HOMER3: variants seen among roughly 807,000 people sequenced by gnomAD.
HOMER3 encodes homer protein homolog 3.
Under a neutral mutation model 45.5 loss-of-function variants are expected in HOMER3, and 34 were observed. The observed-to-expected ratio is 0.75, with a 90% CI of 0.57 to 1.00. The LOEUF (loss-of-function observed/expected upper bound fraction) is 1.00, where lower values mean the gene tolerates loss of function less well. Ranked by LOEUF, HOMER3 falls within the 50% of genes least tolerant of loss-of-function variation. The probability of loss-of-function intolerance (pLI) is 0.00; values close to 1 mark genes in which losing one functional copy is unlikely to be tolerated. For missense variants in HOMER3, 480 were observed against 497.5 expected, an observed-to-expected ratio of 0.96 and a Z score of 0.33; for synonymous variants, 223 against 208.8, an observed-to-expected ratio of 1.07 and a Z score of -0.58.
chr19:18,939,176 C>CGA, intron 1 of HOMER3, 127 bp from the exon 2 acceptor site: 1 of 570,762 alleles, frequency 1.8e-6, no homozygotes, highest in Non-Finnish European at 3.0e-6. Flanking sequence ...GCAGGAGAGG[C>CGA]CCAAAGTACA....
chr19:18,931,379 C>T lies in HOMER3; in HGVS notation c.840G>A (p.Gly280=), dbSNP rs771191479. The T allele has an allele frequency of 1.2e-6, 2 of 1,613,966 alleles. No homozygotes were observed. The highest frequency in any genetic ancestry group is 2.2e-5 in the East Asian group (1 of 44,882). ...CGGCAGCCTCCAGGGCCTCGCGGGGCCCCCCAGTCTGACTCTTCAGGGTCT... is the reference window on the plus strand; with the variant it reads ...CGGCAGCCTCCAGGGCCTCGCGGGGTCCCCCAGTCTGACTCTTCAGGGTCT... ...EIQTLKSQTG[G]PREALEAAER... Residue 280 remains glycine, a synonymous_variant, in exon 9 of 10, where the codon GGG becomes GGA. Coordinates refer to ENST00000392351, the MANE Select transcript of HOMER3 (RefSeq NM_004838.4).
intron 8 of HOMER3, 47 bp from the exon 9 acceptor site, chr19:18,931,458 C>T (rs2057031347): frequency 5.0e-6 from 8 of 1,612,484 alleles, no homozygotes; most frequent in Non-Finnish European, 5.9e-6. Flanking sequence ...TCCTGGCTTT[C>T]CCACAGGAGG....
chr19:18,929,658 T>C, intron 9 of HOMER3, 24 bp from the exon 10 acceptor site: 2 of 1,475,798 alleles, frequency 1.4e-6, no homozygotes, highest in Non-Finnish European at 1.8e-6. Flanking sequence ...GTGGGCAGGG[T>C]TGGGGGCCCC....
In HOMER3 at chr19:18,931,377, G is replaced by A; in HGVS notation, c.842C>T (p.Pro281Leu). The change falls in exon 9 of 10, where the codon CCC becomes CTC. Residue 281 changes from proline to leucine, a missense_variant. Coordinates refer to ENST00000392351, the MANE Select transcript of HOMER3 (RefSeq NM_004838.4). ...CTCGGCAGCCTCCAGGGCCTCGCGG[G>A]GCCCCCCAGTCTGACTCTTCAGGGT... is the stretch of plus-strand genomic sequence containing the variant. ...IQTLKSQTGG[P>L]REALEAAERE... is the part of the protein sequence containing the mutation. 6.2e-7 allele frequency: 1 copy of A among 1,614,140 alleles called. No individual in the cohort carries two copies. The highest frequency in any genetic ancestry group is 8.5e-7 in the Non-Finnish European group (1 of 1,180,024).
rs777009637 is a variant in HOMER3, at chr19:18,938,910, G to C, written c.15-26C>G. ...CTGCGTGGGGAGAGGGTGTTTGGTG[G>C]GGGCCAGGCACCCCCACTTAGAAAG... On this transcript the variant is annotated intron_variant, in intron 2 of 9. Coordinates refer to ENST00000392351, the MANE Select transcript of HOMER3 (RefSeq NM_004838.4). 5.0e-6 allele frequency: 8 copies of C among 1,606,212 alleles called. No individual in the cohort carries two copies. In the South Asian group the frequency reaches 8.9e-5, roughly 18 times the overall value.
Position 18,938,768 on chromosome 19 carries a change from G to T in HOMER3, c.131C>A (p.Thr44Asn). Residue 44 changes from threonine (T) to asparagine (N), a missense_variant, in exon 3 of 10, where the codon ACC (threonine) becomes AAC (asparagine). Thr to Asn is a moderately conservative substitution (Grantham distance 65). Coordinates refer to ENST00000392351, the MANE Select transcript of HOMER3 (RefSeq NM_004838.4). ...GCTGATGATGCGGTACACATTGCGG[G>T]TGGCATCGTAGAAATAGGAGACAGT... ...ALTVSYFYDA[T>N]RNVYRIISIG... 6.3e-7 allele frequency: 1 copy of T among 1,599,950 alleles called. No homozygotes were observed. Among genetic ancestry groups the T allele is most frequent in the South Asian group, 1.1e-5 (1 of 88,220 alleles).
intron 9 of HOMER3, among the ~76,000 whole-genome samples, chr19:18,929,983 C>T (rs1403935819): frequency 2.0e-5 from 3 of 152,006 alleles, no homozygotes; most frequent in South Asian, 4.1e-4. Context: ...CCAGTGATGG[C>T]TTACACCTGT....
rs1451674192 is a variant in HOMER3, at chr19:18,929,928, C to T, written c.895-294G>A. ...TCCCAGGTTCAAGCAATTCTCCTGC[C>T]TCAGCCTCCCAAGTAGCTGGGATTA... On this transcript the variant is annotated intron_variant, in intron 9 of 9. Transcript: ENST00000392351. Among the ~76,000 whole-genome samples the T allele has an allele frequency of 2.6e-5, 4 of 152,004 alleles. No individual in the cohort carries two copies. In the East Asian group the frequency reaches 7.8e-4, roughly 30 times the overall value.
intron 9 of HOMER3, among the ~76,000 whole-genome samples, chr19:18,929,992 G>A (rs2057013031): frequency 6.6e-6 from 1 of 151,986 alleles, no homozygotes; most frequent in Admixed American, 6.6e-5. Context: ...GCTTACACCT[G>A]TAATCCCAGA....
chr19:18,932,873 T>TCCCCCCCCCCCAACCCCCC, intron 6 of HOMER3, 51 bp downstream of exon 6: 2 of 877,172 alleles, frequency 2.3e-6, no homozygotes, highest in East Asian at 3.4e-5. Flanking sequence ...CGCCTCCTCG[T>TCCCCCCCCCCCAACCCCCC]CCCCCACCCC....
At position 18,939,030 on chromosome 19, in the gene HOMER3, C is replaced by T; in HGVS notation, c.-48G>A. 1.3e-6 allele frequency: 2 copies of T among 1,533,262 alleles called. No homozygotes were observed. Among genetic ancestry groups the T allele is most frequent in the Admixed American group, 4.0e-5 (2 of 50,506 alleles). The allele number at this position is 1,533,262 out of a possible 1,614,324, so 95.0% of individuals were successfully genotyped here. On this transcript the variant is annotated 5_prime_UTR_variant, in exon 2 of 10. Coordinates refer to ENST00000392351, the MANE Select transcript of HOMER3 (RefSeq NM_004838.4). ...CTCTAGGGGGCAGCCAGAGAGGTGG[C>T]AGGAGCACTGGTTTGGCCCCTAGGG...
Position 18,938,893 on chromosome 19 carries a change from G to A in HOMER3, c.15-9C>T, listed in dbSNP as rs374794386. The A allele has an allele frequency of 1.2e-6, 2 of 1,605,224 alleles. No individual in the cohort carries two copies. Among genetic ancestry groups the A allele is most frequent in the Non-Finnish European group, 1.7e-6 (2 of 1,176,134 alleles). ...TGAAGATTGGCTGCTCCCTGCGTGG[G>A]GAGAGGGTGTTTGGTGGGGGCCAGG... is the stretch of plus-strand genomic sequence containing the variant. On this transcript the variant is annotated splice_polypyrimidine_tract_variant and intron_variant, in intron 2 of 9. Coordinates refer to ENST00000392351, the MANE Select transcript of HOMER3 (RefSeq NM_004838.4).
intron 4 of HOMER3, among the ~76,000 whole-genome samples, chr19:18,938,021 G>T (rs781726518): frequency 9.9e-5 from 15 of 151,924 alleles, no homozygotes; most frequent in Non-Finnish European, 1.6e-4. Flanking sequence ...GTGAAACCCT[G>T]TCTCTAATAA....
In HOMER3 at chr19:18,929,406, C is replaced by A. The variant is rs975210069; in HGVS notation, c.*37G>T. 6 of 1,581,212 alleles carry A rather than the reference C, an allele frequency of 3.8e-6. No individual in the cohort carries two copies. In the African/African-American group the frequency reaches 8.1e-5, roughly 21 times the overall value. The stretch of plus-strand genomic sequence containing the variant: ...ATGCCGCCTGCAGCCTGGCCCGCAT[C>A]CCAGGCCGGAATCGTTCATAGAAAA... On this transcript the variant is annotated 3_prime_UTR_variant, in exon 10 of 10. Transcript: ENST00000392351.
Position 18,938,413 on chromosome 19 carries a change from G to T in HOMER3, c.243C>A (p.Ala81=). The change falls in exon 4 of 10, where the codon GCC becomes GCA. Residue 81 remains alanine, a synonymous_variant. Coordinates refer to ENST00000392351, the MANE Select transcript of HOMER3 (RefSeq NM_004838.4). ...CGTAGACTGTGTTGGCGCGACTGTC[G>T]GCCCACTGCCCGAACTTCTGGGAAG... ...TKTSQKFGQW[A]DSRANTVYGL... is the part of the protein sequence containing the mutation. 1 of 1,614,060 alleles carries T rather than the reference G, an allele frequency of 6.2e-7. No individual in the cohort carries two copies. The highest frequency in any genetic ancestry group is 8.5e-7 in the Non-Finnish European group (1 of 1,179,954).
Position 18,939,157 on chromosome 19 carries a change from A to G in HOMER3, c.-67-108T>C, listed in dbSNP as rs549393862. On this transcript the variant is annotated intron_variant, in intron 1 of 9. Coordinates refer to ENST00000392351, the MANE Select transcript of HOMER3 (RefSeq NM_004838.4). ...AGGTGTGCCCGTCATGGAACTTTCA[A>G]TCAAAAAGGCAGGAGAGGCCCAAAG... is the stretch of plus-strand genomic sequence containing the variant. 995 of 629,382 alleles carry G rather than the reference A, an allele frequency of 1.6e-3. 1 individual carries two copies. Among genetic ancestry groups the G allele is most frequent in the Non-Finnish European group, 2.4e-3 (906 of 377,374 alleles). 39.0% of individuals were successfully genotyped at this position (629,382 alleles called of 1,614,324 possible). A position where few individuals can be genotyped will look rare whatever the true frequency, so the allele number is the denominator to read the frequency against.
rs78343319 is a variant in HOMER3, at chr19:18,931,444, G to A, written c.808-33C>T. 2,681 of 1,613,156 alleles carry A rather than the reference G, an allele frequency of 1.7e-3. 11 individuals carry two copies. In the Middle Eastern group the frequency reaches 0.023, roughly 14 times the overall value. On this transcript the variant is annotated intron_variant, in intron 8 of 9. Coordinates refer to ENST00000392351, the MANE Select transcript of HOMER3 (RefSeq NM_004838.4). ...AGAAGAGTTCCCAGGGTCTGTTGCG[G>A]GGGTCCTGGCTTTCCCACAGGAGGT...
At chr19:18,932,883 CTACCCCCGCCCCTG>C in intron 6 of HOMER3, 27 bp downstream of exon 6, 14 of 827,050 alleles carry the variant, frequency 1.7e-5, no homozygotes, top group East Asian at 6.9e-5. Flanking sequence ...TCCCCCACCC[CTACCCCCGCCCCTG>C]CCACGCCCCC....
Position 18,938,848 on chromosome 19 carries a change from G to C in HOMER3, c.51C>G (p.Phe17Leu). The change falls in exon 3 of 10, where the codon TTC (phenylalanine) becomes TTG (leucine). Residue 17 changes from phenylalanine (F) to leucine (L), a missense_variant. By Grantham distance (22) the Phe-to-Leu change is conservative. Coordinates refer to ENST00000392351, the MANE Select transcript of HOMER3 (RefSeq NM_004838.4). ...TTCGCTTGGTGGCTGGGTCAATTTG[G>C]AACACGTGCGCCCGTGTGCTGAAGA... ...QPIFSTRAHVFQIDPATKRNW... is the reference protein window; with the variant it reads ...QPIFSTRAHVLQIDPATKRNW... 1 of 1,602,228 alleles carries C rather than the reference G, an allele frequency of 6.2e-7. No individual in the cohort carries two copies. The highest frequency in any genetic ancestry group is 8.5e-7 in the Non-Finnish European group (1 of 1,174,704).
Sources: gnomAD v4.1 joint callset for allele counts (sites outside exome capture counted in the v4.1 genomes callset) on GRCh38, gnomAD v4.1.1 for gene constraint, MANE v1.5 for transcripts, NCBI Gene and HGNC (gene_info 2026-07-23, HGNC 2026-07-21) for gene names.